Variants in TMEM154 observed in about 807,000 individuals in gnomAD.
The protein encoded by TMEM154 is transmembrane protein 154.
A neutral mutation model predicts 24.5 loss-of-function variants in TMEM154; 27 were observed. The ratio of observed to expected loss-of-function variants is 1.10; its 90% CI spans 0.81 to 1.52. The LOEUF (loss-of-function observed/expected upper bound fraction) is 1.52, where lower values mean the gene tolerates loss of function less well. Among genes scored for constraint, TMEM154 ranks in the 40% most tolerant of loss-of-function variants. The pLI, the probability that TMEM154 is intolerant of heterozygous loss-of-function variation, is 0.00. For synonymous variants in TMEM154, 67 were observed against 76.8 expected, an observed-to-expected ratio of 0.87 and a Z score of 0.67; for missense variants, 228 against 213.4, an observed-to-expected ratio of 1.07 and a Z score of -0.43.
At chr4:152,658,048 C>T (rs1369381425) in intron 1 of TMEM154, among the ~76,000 whole-genome samples, 2 of 151,938 alleles carry the variant, frequency 1.3e-5, no homozygotes, top group African/African-American at 4.8e-5. Flanking sequence ...ACAAAACAAG[C>T]TCAACACATT....
rs778448579 is a variant in TMEM154 at position 152,652,754 on chromosome 4, C to A, written c.238G>T (p.Val80Leu). Residue 80 changes from valine (V) to leucine (L), a missense_variant, in exon 2 of 7, where the codon GTG becomes TTG. Coordinates refer to ENST00000304385, the MANE Select transcript of TMEM154 (RefSeq NM_152680.3). The part of the protein sequence containing the change: ...DENQLEFILM[V>L]LIPLILLVLL... ...ACCAATAAAATCAATGGGATTAACA[C>A]CATCAGTATAAACTCTAACTGATTT... 15 of 1,613,946 alleles carry A rather than the reference C, an allele frequency of 9.3e-6. No homozygotes were observed. The South Asian group carries it at 1.6e-4, about 18-fold the overall frequency.
In TMEM154 at chr4:152,626,384, A is replaced by G. The variant is rs797001609; in HGVS notation, c.*2162T>C. On this transcript the variant is annotated 3_prime_UTR_variant, in exon 7 of 7. Coordinates refer to ENST00000304385, the MANE Select transcript of TMEM154 (RefSeq NM_152680.3). Reference sequence around the variant, plus strand: ...AACAATTCTTGAAACTGTCATAAACATATGATATCTATTGATTAAACAGTA... The same window carrying G: ...AACAATTCTTGAAACTGTCATAAACGTATGATATCTATTGATTAAACAGTA... 70 of 152,670 alleles carry G rather than the reference A, an allele frequency of 4.6e-4. No homozygotes were observed. Among genetic ancestry groups the G allele is most frequent in the African/African-American group, 1.6e-3 (68 of 41,590 alleles). 9.5% of individuals were successfully genotyped at this position (152,670 alleles called of 1,614,324 possible).
chr4:152,632,746 C>CT (rs1333538416), intron 6 of TMEM154, among the ~76,000 whole-genome samples: 1 of 152,080 alleles, frequency 6.6e-6, no homozygotes, highest in Non-Finnish European at 1.5e-5. Context: ...TAACGAGTGG[C>CT]TTTTTTAGCA....
intron 6 of TMEM154, 52 bp downstream of exon 6, chr4:152,640,876 T>TCC: frequency 5.4e-6 from 6 of 1,113,606 alleles, no homozygotes; most frequent in East Asian, 2.5e-5. Flanking sequence ...TGGTTCCCAA[T>TCC]CCCCCCGCCC....
At position 152,652,552 on chromosome 4, in the gene TMEM154, C is replaced by T; in HGVS notation, c.350G>A (p.Ser117Asn). The T allele has an allele frequency of 6.2e-7, 1 of 1,613,968 alleles. No homozygotes were observed. The highest frequency in any genetic ancestry group is 8.5e-7 in the Non-Finnish European group (1 of 1,179,962). Reference protein sequence around the residue: ...KQEPSSQGSQSALQTYELGSE... With the variant: ...KQEPSSQGSQNALQTYELGSE... ...ATAATACTCACATGTCTGTAAAGCA[C>T]TCTGAGATCCTTGGCTAGAAGGTTC... The change falls in exon 3 of 7, where the codon AGT (serine) becomes AAT (asparagine). Residue 117 changes from serine (S) to asparagine (N), a missense_variant. Ser to Asn is a conservative substitution (Grantham distance 46, BLOSUM62 1). Transcript: ENST00000304385.
Position 152,627,253 on chromosome 4 carries a change from G to C in TMEM154, c.*1293C>G, listed in dbSNP as rs1021578832. ...CAAGCACAAGACACAAAATTGAGCA[G>C]CAAATGTTTGGGTAGTCCCATCTCC... is the stretch of plus-strand genomic sequence containing the variant. On this transcript the variant is annotated 3_prime_UTR_variant, in exon 7 of 7. Transcript: ENST00000304385. 3.9e-5 allele frequency: 6 copies of C among 152,220 alleles called. No homozygotes were observed. Among genetic ancestry groups the C allele is most frequent in the African/African-American group, 1.4e-4 (6 of 41,472 alleles). 9.4% of individuals were successfully genotyped at this position (152,220 alleles called of 1,614,324 possible).
At chr4:152,649,612 T>C (rs1264391265) in intron 3 of TMEM154, among the ~76,000 whole-genome samples, 2 of 152,186 alleles carry the variant, frequency 1.3e-5, no homozygotes, top group African/African-American at 2.4e-5. Context: ...GAAATATAGA[T>C]GAAAGAATGC....
chr4:152,653,266 C>T (rs1041763981), intron 1 of TMEM154, among the ~76,000 whole-genome samples: 2 of 152,162 alleles, frequency 1.3e-5, no homozygotes, highest in East Asian at 3.8e-4. Flanking sequence ...TATTACAGGA[C>T]ATCTCCTATA....
At position 152,619,814 on chromosome 4, in the gene TMEM154, ATGCC is replaced by A. The variant is rs1181939825; in HGVS notation, c.*8728_*8731del. ...CAGATCCAGTTGAACTGCCCAGCCA[ATGCC>A]GTGTGGGAGAGAGTTGAACCATTTG... On this transcript the variant is annotated 3_prime_UTR_variant, in exon 7 of 7. Coordinates refer to ENST00000304385, the MANE Select transcript of TMEM154 (RefSeq NM_152680.3). 1 of 152,242 alleles carries A rather than the reference ATGCC, an allele frequency of 6.6e-6. No individual in the cohort carries two copies. The highest frequency in any genetic ancestry group is 1.5e-5 in the Non-Finnish European group (1 of 68,040). The allele number at this position is 152,242 out of a possible 1,614,324, so 9.4% of individuals were successfully genotyped here. A position where few individuals can be genotyped will look rare whatever the true frequency, so the allele number is the denominator to read the frequency against.
chr4:152,628,579 A>AAAC lies in TMEM154; in HGVS notation c.537-19_537-18insGTT. ...CACTGTCACTGTAAAAAAAAAAAAA[A>AAAC]AAAAAAAAAAAAACAAAAAAAACAC... On this transcript the variant is annotated intron_variant, in intron 6 of 6. Transcript: ENST00000304385. The AAAC allele has an allele frequency of 8.7e-7, 1 of 1,153,918 alleles. No individual in the cohort carries two copies. 71.5% of individuals were successfully genotyped at this position (1,153,918 alleles called of 1,614,324 possible). A position where few individuals can be genotyped will look rare whatever the true frequency, so the allele number is the denominator to read the frequency against.
intron 1 of TMEM154, among the ~76,000 whole-genome samples, chr4:152,658,559 G>A (rs541824139): frequency 2.9e-4 from 44 of 151,488 alleles, no homozygotes; most frequent in Non-Finnish European, 4.9e-4. Context: ...TATAATCTCA[G>A]CATTTTTGGA....
At chr4:152,652,326 C>T (rs1579522769) in intron 3 of TMEM154, among the ~76,000 whole-genome samples, 1 of 146,056 alleles carries the variant, frequency 6.8e-6, no homozygotes. Context: ...AAAGTGCAAC[C>T]AAACAAGGCG....
chr4:152,634,811 C>G (rs1752116542), intron 6 of TMEM154, among the ~76,000 whole-genome samples: 1 of 152,142 alleles, frequency 6.6e-6, no homozygotes, highest in Non-Finnish European at 1.5e-5. Flanking sequence ...TACAGATGAT[C>G]CCTGACTTAC....
intron 1 of TMEM154, among the ~76,000 whole-genome samples, chr4:152,673,690 G>A (rs1029017974): frequency 1.2e-4 from 18 of 152,108 alleles, no homozygotes; most frequent in Non-Finnish European, 5.9e-5. Context: ...CATGACTTTT[G>A]AGACTGATTC....
intron 1 of TMEM154, among the ~76,000 whole-genome samples, chr4:152,653,393 T>TTA (rs1476843854): frequency 6.7e-6 from 1 of 150,204 alleles, no homozygotes; most frequent in Non-Finnish European, 1.5e-5. Context: ...TGTCCTAATT[T>TTA]TTTTTTTTTT....
At chr4:152,639,554 C>T (rs1468370551) in intron 6 of TMEM154, among the ~76,000 whole-genome samples, 1 of 151,832 alleles carries the variant, frequency 6.6e-6, no homozygotes, top group East Asian at 1.9e-4. Flanking sequence ...TTTCTTCCAC[C>T]TGCTTGTTAA....
At chr4:152,672,079 C>T (rs1222759361) in intron 1 of TMEM154, among the ~76,000 whole-genome samples, 1 of 130,726 alleles carries the variant, frequency 7.6e-6, no homozygotes, top group Non-Finnish European at 1.6e-5. Context: ...CATACAGAGA[C>T]CCTATCTCTA....
Position 152,660,222 on chromosome 4 carries a change from G to A in TMEM154, c.65-7295C>T, listed in dbSNP as rs554293564. ...AACTACTGCAGCCAGATCAAATAGC[G>A]TTTTCACTGGTAACCTTGGCCAGTG... On this transcript the variant is annotated intron_variant, in intron 1 of 6. Transcript: ENST00000304385. 1.1e-4 allele frequency among the ~76,000 whole-genome samples: 16 copies of A among 152,118 alleles called. No homozygotes were observed. The East Asian group carries it at 2.9e-3, about 28-fold the overall frequency.
At chr4:152,656,331 A>G (rs1728492046) in intron 1 of TMEM154, among the ~76,000 whole-genome samples, 1 of 152,122 alleles carries the variant, frequency 6.6e-6, no homozygotes, top group Non-Finnish European at 1.5e-5. Context: ...GCCAGTGTAT[A>G]CTGCCTTGGG....
Sources: gnomAD v4.1 joint callset for allele counts (sites outside exome capture counted in the v4.1 genomes callset) on GRCh38, gnomAD v4.1.1 for gene constraint, MANE v1.5 for transcripts, NCBI Gene and HGNC (gene_info 2026-07-23, HGNC 2026-07-21) for gene names.